The following APBB1 variants were observed in gnomAD, a reference collection of about 807,000 sequenced individuals.
APBB1 encodes adaptor protein FE65a2.
In APBB1, 22 loss-of-function variants were observed where a neutral mutation model predicts 78.4. The ratio of observed to expected loss-of-function variants is 0.28; its 90% confidence interval spans 0.20 to 0.40. The LOEUF (loss-of-function observed/expected upper bound fraction) is 0.40. APBB1 is among the 10% of genes least tolerant of loss of function. APBB1 has a pLI of 1.00. For missense variants in APBB1, 749 were observed against 932.4 expected, an observed-to-expected ratio of 0.80 and a Z score of 2.56; for synonymous variants, 369 against 372.7, an observed-to-expected ratio of 0.99 and a Z score of 0.12.
At chr11:6,404,718 G>A (rs1172818594) in intron 2 of APBB1, 1 of 1,536,008 alleles carries the variant, frequency 6.5e-7, no homozygotes, top group Admixed American at 2.0e-5. Flanking sequence ...CACCCCACAT[G>A]AGGCCCAACC....
At chr11:6,415,624 T>C (rs142721989) in intron 1 of APBB1, among the ~76,000 whole-genome samples, 2,326 of 152,174 alleles carry the variant, frequency 0.015, 67 homozygotes, top group African/African-American at 0.054. Flanking sequence ...GACATAACTC[T>C]CCATTGGCCA....
intron 1 of APBB1, among the ~76,000 whole-genome samples, chr11:6,413,907 T>C (rs1849049184): frequency 6.6e-6 from 1 of 152,174 alleles, no homozygotes; most frequent in African/African-American, 2.4e-5. Context: ...TGACTCCTCC[T>C]GGCCAATGAG....
At chr11:6,405,712 T>A (rs1848775425) in intron 2 of APBB1, 1 of 984,152 alleles carries the variant, frequency 1.0e-6, no homozygotes, top group South Asian at 4.7e-5. Context: ...CCATCCACCT[T>A]CTAGGCAGCC....
chr11:6,414,877 G>C (rs1327579133), intron 1 of APBB1, among the ~76,000 whole-genome samples: 3 of 152,160 alleles, frequency 2.0e-5, no homozygotes, highest in Non-Finnish European at 4.4e-5. Flanking sequence ...GTTTCTCAAA[G>C]GTCAGGCAGA....
rs1451783519 is a variant in APBB1, at chr11:6,403,828, A to C, written c.722-6T>G. ...GTTGGGGTTCCAGAAGGAATCTGCC[A>C]GGTGGGAGGCTTGGTGAGGGTCAGC... is the stretch of plus-strand genomic sequence containing the variant. On this transcript the variant is annotated splice_region_variant and splice_polypyrimidine_tract_variant and intron_variant, in intron 2 of 14. Transcript: ENST00000609360. This position sits in a 1 kb window ranked among gnomAD's most constrained non-coding sequence, Gnocchi z 5.3. 1 of 1,538,230 alleles carries C rather than the reference A, an allele frequency of 6.5e-7. No individual in the cohort carries two copies. Among genetic ancestry groups the C allele is most frequent in the Non-Finnish European group, 8.8e-7 (1 of 1,140,744 alleles).
intron 12 of APBB1, among the ~76,000 whole-genome samples, chr11:6,400,774 G>A (rs1307904624): frequency 2.0e-5 from 3 of 152,152 alleles, no homozygotes; most frequent in African/African-American, 7.2e-5. Flanking sequence ...CACCACTCAC[G>A]TGGCTGATGC....
intron 2 of APBB1, chr11:6,404,951 C>A: frequency 6.9e-7 from 1 of 1,440,506 alleles, no homozygotes; most frequent in South Asian, 1.5e-5. Context: ...AAGATCCTCC[C>A]CCGCTTGGAG....
At position 6,411,241 on chromosome 11, in the gene APBB1, A is replaced by G; in HGVS notation, c.107T>C (p.Leu36Pro). 1 of 1,607,272 alleles carries G rather than the reference A, an allele frequency of 6.2e-7. No individual in the cohort carries two copies. Among genetic ancestry groups the G allele is most frequent in the Non-Finnish European group, 8.5e-7 (1 of 1,177,712 alleles). The change falls in exon 2 of 15, where the codon CTC (leucine) becomes CCC (proline). Residue 36 changes from leucine to proline, a missense_variant. Coordinates refer to ENST00000609360, the MANE Select transcript of APBB1 (RefSeq NM_001164.5). The surrounding 1 kb of genome is among the most constrained non-coding windows in gnomAD (Gnocchi z 5.2). ...LPLHAAHNQL[L>P]NAKLQATAVG... ...AGCTGTGGCCTGCAGCTTGGCGTTG[A>G]GCAGCTGGTTGTGGGCAGCGTGCAG...
At chr11:6,402,470 T>G (rs1848574311) in intron 7 of APBB1, 106 bp downstream of exon 7, 4 of 1,321,018 alleles carry the variant, frequency 3.0e-6, no homozygotes, top group African/African-American at 1.4e-5. Flanking sequence ...GATGGGCCAA[T>G]ATCCCCCTTC....
At chr11:6,400,959 C>G in intron 12 of APBB1, 30 bp downstream of exon 12, 1 of 1,600,654 alleles carries the variant, frequency 6.2e-7, no homozygotes, top group Non-Finnish European at 8.6e-7. Context: ...ATCAAGGTAG[C>G]AGCCCCTGGG....
At chr11:6,413,836 A>G (rs1262263424) in intron 1 of APBB1, among the ~76,000 whole-genome samples, 1 of 152,166 alleles carries the variant, frequency 6.6e-6, no homozygotes, top group Admixed American at 6.5e-5. Context: ...ACACATCTGT[A>G]AGATGAAAAA....
At chr11:6,398,295 G>C (rs61876772) in intron 12 of APBB1, among the ~76,000 whole-genome samples, 3,556 of 151,696 alleles carry the variant, frequency 0.023, 59 homozygotes, top group Middle Eastern at 0.095. Flanking sequence ...GTCTCTCCTT[G>C]CTAGAATGTC....
intron 1 of APBB1, among the ~76,000 whole-genome samples, chr11:6,414,223 G>A (rs763501576): frequency 1.3e-5 from 2 of 152,128 alleles, no homozygotes; most frequent in Non-Finnish European, 2.9e-5. Flanking sequence ...CTGGGTCTTT[G>A]TTTATACTGC....
At position 6,401,392 on chromosome 11, in the gene APBB1, T is replaced by C. The variant is rs1349827624; in HGVS notation, c.1541A>G (p.Asn514Ser). 1 of 1,614,062 alleles carries C rather than the reference T, an allele frequency of 6.2e-7. No individual in the cohort carries two copies. The highest frequency in any genetic ancestry group is 8.5e-7 in the Non-Finnish European group (1 of 1,180,022). The change falls in exon 11 of 15, where the codon AAT becomes AGT. Residue 514 changes from asparagine to serine, a missense_variant. By Grantham distance (46) the Asn-to-Ser change is conservative. Transcript: ENST00000609360. The surrounding 1 kb of genome is among the most constrained non-coding windows in gnomAD (Gnocchi z 4.5). ...AERRNARCLVNGLSLDHSKLV... is the reference protein window; with the variant it reads ...AERRNARCLVSGLSLDHSKLV... ...TTTAGAGTGGTCCAGGGAGAGTCCA[T>C]TTACCAAGCAGCGGGCATTACGCCG...
rs144059856 is a variant in APBB1 at position 6,402,719 on chromosome 11, C to T, written c.1111G>A (p.Ala371Thr). The change falls in exon 7 of 15, where the codon GCC (alanine) becomes ACC (threonine). Residue 371 changes from alanine to threonine, a missense_variant. Around this residue, in one of 3 missense-constraint regions of APBB1, gnomAD observed 635 missense variants for 765.0 expected, o/e 0.83. Transcript: ENST00000609360. ...TCTACCCAGCCTAGGGAGCGCACGGCGAAACACTGCCAGACACAGAAGAGG... is the reference window on the plus strand; with the variant it reads ...TCTACCCAGCCTAGGGAGCGCACGGTGAAACACTGCCAGACACAGAAGAGG... ...RNTNPGIKCFAVRSLGWVEMT... is the reference protein window; with the variant it reads ...RNTNPGIKCFTVRSLGWVEMT... 1.1e-5 allele frequency: 18 copies of T among 1,614,058 alleles called. No individual in the cohort carries two copies. Among genetic ancestry groups the T allele is most frequent in the Non-Finnish European group, 1.4e-5 (16 of 1,179,992 alleles).
In APBB1 at chr11:6,404,745, C is replaced by T. The variant is rs532203152; in HGVS notation, c.722-923G>A. 296 of 1,536,386 alleles carry T rather than the reference C, an allele frequency of 1.9e-4. 3 individuals are homozygous for T. The South Asian group carries it at 3.4e-3, about 17-fold the overall frequency. ...GGCCCAACCTCATGCTGCCCCTCAC[C>T]TGCGCTGCTGTCCTGCAGGATAATG... On this transcript the variant is annotated intron_variant, in intron 2 of 14. Coordinates refer to ENST00000609360, the MANE Select transcript of APBB1 (RefSeq NM_001164.5).
rs559436871 is a variant in APBB1 at position 6,411,807 on chromosome 11, C to T, written c.-14-446G>A. Among the ~76,000 whole-genome samples, 1 of 152,284 alleles carries T rather than the reference C, an allele frequency of 6.6e-6. No homozygotes were observed. Among genetic ancestry groups the T allele is most frequent in the East Asian group, 1.9e-4 (1 of 5,174 alleles). On this transcript the variant is annotated intron_variant, in intron 1 of 14. Transcript: ENST00000609360. This position sits in a 1 kb window ranked among gnomAD's most constrained non-coding sequence, Gnocchi z 5.2. ...CGCACTTCCATCCCAAGCCCCATCA[C>T]TGTAAGCTCCTCCGGCTGTGTTCCT...
At chr11:6,414,119 C>T (rs1208447796) in intron 1 of APBB1, among the ~76,000 whole-genome samples, 1 of 152,092 alleles carries the variant, frequency 6.6e-6, no homozygotes, top group Non-Finnish European at 1.5e-5. Context: ...TATAACCTGT[C>T]AGTCCCCTCC....
Position 6,402,159 on chromosome 11 carries a change from C to T in APBB1, c.1305G>A (p.Glu435=), listed in dbSNP as rs1460817770. 1 of 1,614,100 alleles carries T rather than the reference C, an allele frequency of 6.2e-7. No individual in the cohort carries two copies. The highest frequency in any genetic ancestry group is 8.5e-7 in the Non-Finnish European group (1 of 1,180,018). Reference sequence around the variant, plus strand: ...CGTGCAGCAGTGCCTGGCTCTGTGGCTCCACTAGCTTTAGTGTCTCATCCT... The same window carrying T: ...CGTGCAGCAGTGCCTGGCTCTGTGGTTCCACTAGCTTTAGTGTCTCATCCT... ...QLEDETLKLV[E]PQSQALLHAQ... The change falls in exon 8 of 15, where the codon GAG becomes GAA. Residue 435 remains glutamate (E), a synonymous_variant. Coordinates refer to ENST00000609360, the MANE Select transcript of APBB1 (RefSeq NM_001164.5).
Sources: gnomAD v4.1 joint callset for allele counts (sites outside exome capture counted in the v4.1 genomes callset) on GRCh38, gnomAD v4.1.1 for gene constraint, gnomAD v4.1.1 regional missense constraint, Gnocchi (gnomAD v3.1) non-coding constraint, MANE v1.5 for transcripts, NCBI Gene and HGNC (gene_info 2026-07-23, HGNC 2026-07-21) for gene names.